Variants in PPP1R9A observed in about 807,000 individuals in gnomAD.
PPP1R9A encodes neurabin-1.
In PPP1R9A, 59 loss-of-function variants were observed where a neutral mutation model predicts 141.9. The observed-to-expected ratio is 0.42, with a 90% confidence interval of 0.34 to 0.52. The LOEUF (loss-of-function observed/expected upper bound fraction) is 0.52, where lower values mean the gene tolerates loss of function less well. PPP1R9A is among the 20% of genes least tolerant of loss of function. The pLI is 0.10. For missense variants in PPP1R9A, 1,444 were observed against 1,611.9 expected (o/e 0.90, Z 1.78); for synonymous variants, 500 against 569.7 (o/e 0.88, Z 1.74).
chr7:95,074,203 T>C (rs1417670055), intron 2 of PPP1R9A, among the ~76,000 whole-genome samples: 1 of 152,160 alleles, frequency 6.6e-6, no homozygotes, highest in Non-Finnish European at 1.5e-5. Flanking sequence ...ATTGGCAAAA[T>C]AGAGTCATTG....
intron 2 of PPP1R9A, among the ~76,000 whole-genome samples, chr7:94,965,402 T>A (rs1290568539): frequency 6.6e-6 from 1 of 152,182 alleles, no homozygotes; most frequent in East Asian, 1.9e-4. Context: ...CCCATACCTA[T>A]GTCTTGGATG....
At chr7:95,017,695 AT>A (rs1383873988) in intron 2 of PPP1R9A, among the ~76,000 whole-genome samples, 1 of 152,202 alleles carries the variant, frequency 6.6e-6, no homozygotes, top group East Asian at 1.9e-4. Context: ...ATCCTACCTG[AT>A]TTGAAGAACT....
chr7:94,989,869 G>T (rs1394067874), intron 2 of PPP1R9A, among the ~76,000 whole-genome samples: 1 of 152,064 alleles, frequency 6.6e-6, no homozygotes, highest in African/African-American at 2.4e-5. Flanking sequence ...CCTCTTGATT[G>T]CCTATAAAGG....
intron 2 of PPP1R9A, among the ~76,000 whole-genome samples, chr7:95,034,143 T>G (rs931895475): frequency 6.6e-6 from 1 of 152,150 alleles, no homozygotes; most frequent in Non-Finnish European, 1.5e-5. Flanking sequence ...ATAAATAGTG[T>G]ATATTTTCAT....
intron 2 of PPP1R9A, chr7:95,037,085 A>G (rs1808527596): frequency 6.6e-6 from 1 of 152,072 alleles, no homozygotes; most frequent in Non-Finnish European, 1.5e-5. Flanking sequence ...GTATTCGCAT[A>G]TTGTCTGGGA....
chr7:95,080,897 T>C (rs899347648), intron 2 of PPP1R9A, among the ~76,000 whole-genome samples: 17 of 152,172 alleles, frequency 1.1e-4, no homozygotes, highest in African/African-American at 4.1e-4. Context: ...GATAAAGAAA[T>C]GTCCAGATGA....
intron 2 of PPP1R9A, among the ~76,000 whole-genome samples, chr7:94,984,649 T>C (rs1800567594): frequency 6.6e-6 from 1 of 152,168 alleles, no homozygotes; most frequent in Non-Finnish European, 1.5e-5. Context: ...CTGATGGTAG[T>C]TTGTATTTCC....
At chr7:95,120,570 G>T (rs1822385389) in intron 3 of PPP1R9A, 142 bp from the exon 4 acceptor site, 9 of 931,186 alleles carry the variant, frequency 9.7e-6, no homozygotes, top group Non-Finnish European at 1.4e-5. Context: ...GCTTAGAAAA[G>T]AATTCTGCTA....
At chr7:95,186,416 ATGAG>A (rs1194192180) in intron 5 of PPP1R9A, among the ~76,000 whole-genome samples, 3 of 152,104 alleles carry the variant, frequency 2.0e-5, no homozygotes, top group African/African-American at 4.8e-5. Context: ...AGCTTTTTGA[ATGAG>A]TATTTAGTGT....
chr7:95,237,864 T>C (rs931637559), intron 8 of PPP1R9A, among the ~76,000 whole-genome samples: 3 of 152,144 alleles, frequency 2.0e-5, no homozygotes, highest in African/African-American at 7.2e-5. Flanking sequence ...GTATGTATTT[T>C]TTCCAACTTA....
At chr7:95,216,014 T>C (rs1380466459) in intron 7 of PPP1R9A, among the ~76,000 whole-genome samples, 10 of 152,222 alleles carry the variant, frequency 6.6e-5, no homozygotes, top group Admixed American at 6.5e-5. Flanking sequence ...TTGTTGCCAT[T>C]GCTTTTGGTG....
At chr7:95,159,270 A>G (rs1024160028) in intron 4 of PPP1R9A, among the ~76,000 whole-genome samples, 4 of 152,248 alleles carry the variant, frequency 2.6e-5, no homozygotes, top group African/African-American at 9.6e-5. Context: ...GTAATGCTGA[A>G]TGAAGCAAAC....
intron 5 of PPP1R9A, among the ~76,000 whole-genome samples, chr7:95,166,145 T>C (rs1157452891): frequency 5.2e-4 from 45 of 86,754 alleles, no homozygotes; most frequent in African/African-American, 2.4e-3. Flanking sequence ...TGAAACTCCA[T>C]TTCAAAAAAA....
At chr7:95,144,157 A>G (rs1827186806) in intron 4 of PPP1R9A, among the ~76,000 whole-genome samples, 1 of 150,666 alleles carries the variant, frequency 6.6e-6, no homozygotes, top group South Asian at 2.1e-4. Context: ...CATTTGCCCC[A>G]CTCCCCCCAG....
At chr7:95,169,370 T>TA (rs1169222237) in intron 5 of PPP1R9A, among the ~76,000 whole-genome samples, 2 of 151,868 alleles carry the variant, frequency 1.3e-5, no homozygotes, top group African/African-American at 4.8e-5. Context: ...GAATGATAGT[T>TA]ACCAGAGGCT....
At chr7:95,105,027 T>C (rs965142758) in intron 2 of PPP1R9A, among the ~76,000 whole-genome samples, 2 of 152,172 alleles carry the variant, frequency 1.3e-5, no homozygotes, top group African/African-American at 2.4e-5. Flanking sequence ...ACATTTTTCA[T>C]CTTTGATGTG....
At chr7:95,125,097 G>A (rs1391090875) in intron 4 of PPP1R9A, among the ~76,000 whole-genome samples, 18 of 152,102 alleles carry the variant, frequency 1.2e-4, no homozygotes, top group Non-Finnish European at 2.2e-4. Flanking sequence ...AACTTACAGG[G>A]TGCTCAATAA....
At chr7:95,157,842 A>G (rs1215720531) in intron 4 of PPP1R9A, among the ~76,000 whole-genome samples, 1 of 152,212 alleles carries the variant, frequency 6.6e-6, no homozygotes, top group Non-Finnish European at 1.5e-5. Context: ...GCTTATGGTA[A>G]CACTCAAATT....
At chr7:95,148,542 T>C (rs1828056439) in intron 4 of PPP1R9A, among the ~76,000 whole-genome samples, 1 of 151,946 alleles carries the variant, frequency 6.6e-6, no homozygotes, top group Non-Finnish European at 1.5e-5. Flanking sequence ...GTAGAGAAAT[T>C]GAATCAATAT....
Sources: allele counts gnomAD v4.1 joint callset (sites outside exome capture counted in the v4.1 genomes callset), GRCh38; gene constraint gnomAD v4.1.1; transcripts MANE v1.5; gene names NCBI Gene and HGNC (gene_info 2026-07-23, HGNC 2026-07-21).